Variants in NRG4 observed in about 807,000 individuals in gnomAD.
NRG4 encodes pro-neuregulin-4, membrane-bound isoform.
In NRG4, 10 loss-of-function variants were observed where a neutral mutation model predicts 15.0. The ratio of observed to expected loss-of-function variants is 0.67; its 90% CI spans 0.41 to 1.13. NRG4 has a LOEUF of 1.13. Among genes scored for constraint, NRG4 ranks in the 50% most tolerant of loss-of-function variants. The pLI, the probability that NRG4 is intolerant of heterozygous loss-of-function variation, is 0.00. For missense variants in NRG4, 139 were observed against 140.2 expected, an observed-to-expected ratio of 0.99 and a Z score of 0.04; for synonymous variants, 41 against 50.1, an observed-to-expected ratio of 0.82 and a Z score of 0.77.
intron 5 of NRG4, among the ~76,000 whole-genome samples, chr15:76,020,624 C>A (rs1169479986): frequency 6.6e-6 from 1 of 152,156 alleles, no homozygotes; most frequent in Non-Finnish European, 1.5e-5. Context: ...ACAAAAAAAT[C>A]TTATAATGTT....
rs1293532523 is a variant in NRG4, at chr15:76,050,723, C to T, written c.-105+1344G>A. 3.4e-5 allele frequency among the ~76,000 whole-genome samples: 5 copies of T among 147,264 alleles called. 1 individual carries two copies. The highest frequency in any genetic ancestry group is 2.0e-4 in the East Asian group (1 of 5,058). On this transcript the variant is annotated intron_variant, in intron 4 of 8. Coordinates refer to the NRG4 transcript ENST00000563910. Reference sequence around the variant, plus strand: ...CCTCCCAAAGTGCTGGGATTACAGGCGTAAGCCACCGTGCCCAGCCGAGCC... The same window carrying T: ...CCTCCCAAAGTGCTGGGATTACAGGTGTAAGCCACCGTGCCCAGCCGAGCC...
chr15:76,031,006 T>C (rs2035457909), intron 5 of NRG4, among the ~76,000 whole-genome samples: 1 of 152,184 alleles, frequency 6.6e-6, no homozygotes, highest in African/African-American at 2.4e-5. Context: ...TCAAATCTAG[T>C]GATATAGTAA....
intron 4 of NRG4, chr15:75,958,951 C>A: frequency 5.3e-6 from 1 of 187,988 alleles, no homozygotes; most frequent in South Asian, 7.6e-5. Context: ...GGGGCAACTA[C>A]AACAATATTA....
At chr15:75,989,221 T>C (rs1397377365) in intron 3 of NRG4, among the ~76,000 whole-genome samples, 2 of 152,216 alleles carry the variant, frequency 1.3e-5, no homozygotes, top group Non-Finnish European at 2.9e-5. Flanking sequence ...GTGGATGTTT[T>C]GGACTTATGC....
chr15:76,001,220 T>C (rs2034402394), intron 3 of NRG4, among the ~76,000 whole-genome samples: 1 of 152,120 alleles, frequency 6.6e-6, no homozygotes, highest in African/African-American at 2.4e-5. Context: ...CTCAAACTCC[T>C]GGCCTCAAGC....
rs1226319570 is a variant in NRG4, at chr15:76,051,848, G to T, written c.-105+219C>A. Among the ~76,000 whole-genome samples, 3 of 150,848 alleles carry T rather than the reference G, an allele frequency of 2.0e-5. 1 individual carries two copies. Among genetic ancestry groups the T allele is most frequent in the Non-Finnish European group, 4.4e-5 (3 of 67,904 alleles). The stretch of plus-strand genomic sequence containing the variant: ...AGCCTCCCAAAGTGCTAGGATTACA[G>T]GCGTGAGCCACCGTGCCCAGCCTAA... On this transcript the variant is annotated intron_variant, in intron 4 of 8. Transcript: ENST00000563910.
intron 3 of NRG4, among the ~76,000 whole-genome samples, chr15:76,002,014 G>C (rs1225192890): frequency 3.3e-5 from 5 of 152,026 alleles, no homozygotes; most frequent in Non-Finnish European, 7.4e-5. Context: ...TCAAAAGCTG[G>C]GTTGGGCCAG....
chr15:76,057,932 T>A (rs1399152355), intron 1 of NRG4, among the ~76,000 whole-genome samples: 1 of 151,840 alleles, frequency 6.6e-6, no homozygotes, highest in South Asian at 2.1e-4. Flanking sequence ...TTCAAAAAAA[T>A]TTTATTAGGA....
At chr15:75,952,611 A>G (rs891154273) in intron 5 of NRG4, among the ~76,000 whole-genome samples, 5 of 141,650 alleles carry the variant, frequency 3.5e-5, no homozygotes, top group African/African-American at 1.3e-4. Flanking sequence ...TTTTTAAGAG[A>G]TGGGGTCTTG....
intron 1 of NRG4, 110 bp downstream of exon 1, chr15:76,012,209 C>A (rs188736793): frequency 1.3e-5 from 2 of 152,004 alleles, no homozygotes; most frequent in African/African-American, 4.8e-5. Flanking sequence ...CACACACGAG[C>A]GAGAACAGGC....
At chr15:75,959,112 G>T in intron 4 of NRG4, 1 of 406,694 alleles carries the variant, frequency 2.5e-6, no homozygotes, top group Non-Finnish European at 4.9e-6. Flanking sequence ...CTCCCAAGCA[G>T]CTAGGACTAC....
intron 3 of NRG4, among the ~76,000 whole-genome samples, chr15:75,994,272 C>G (rs1197342705): frequency 6.6e-6 from 1 of 152,198 alleles, no homozygotes; most frequent in Non-Finnish European, 1.5e-5. Context: ...CATACAAATT[C>G]AAGGCCACCC....
intron 5 of NRG4, among the ~76,000 whole-genome samples, chr15:75,945,319 TCTCAG>T (rs1567067350): frequency 6.6e-6 from 1 of 151,536 alleles, no homozygotes; most frequent in Admixed American, 6.6e-5. Context: ...AGAGGCACAA[TCTCAG>T]CTCACTGCAA....
chr15:75,965,442 C>A (rs900125389), intron 3 of NRG4, among the ~76,000 whole-genome samples: 25 of 152,108 alleles, frequency 1.6e-4, no homozygotes, highest in African/African-American at 5.3e-4. Context: ...CAATCACATG[C>A]TCTTGTGGGA....
rs71444951 is a variant in NRG4 at position 76,050,437 on chromosome 15, GTTTTTTTTT to G, written c.-105+1621_-105+1629del. On this transcript the variant is annotated intron_variant, in intron 4 of 8. Transcript: ENST00000563910. ...AGCATTATTGTCACCCCGAGCCTTC[GTTTTTTTTT>G]TTTTTTTTTTTTTGAAACGGAGTCT... Among the ~76,000 whole-genome samples the G allele has an allele frequency of 2.1e-4, 19 of 91,878 alleles. 1 individual carries two copies. The highest frequency in any genetic ancestry group is 7.1e-4 in the African/African-American group (17 of 23,848). The allele number at this position is 91,878 out of a possible 152,430, so 60.3% of individuals were successfully genotyped here. A position where few individuals can be genotyped will look rare whatever the true frequency, so the allele number is the denominator to read the frequency against.
chr15:75,969,043 C>G (rs1328726081), intron 3 of NRG4: 3 of 310,940 alleles, frequency 9.6e-6, no homozygotes, highest in African/African-American at 2.2e-5. Flanking sequence ...AAACCAGGAA[C>G]AGCTGGAAAG....
At chr15:76,029,530 TAA>T (rs1402198813) in intron 5 of NRG4, among the ~76,000 whole-genome samples, 3 of 152,176 alleles carry the variant, frequency 2.0e-5, no homozygotes, top group Non-Finnish European at 2.9e-5. Flanking sequence ...TAGGAAAACC[TAA>T]AGACTCTACC....
intron 1 of NRG4, among the ~76,000 whole-genome samples, chr15:76,058,911 CT>C (rs576581603): frequency 9.3e-5 from 14 of 151,288 alleles, no homozygotes; most frequent in South Asian, 4.2e-4. Context: ...TGGGTGAGGA[CT>C]TTTTTTTTAA....
chr15:76,036,834 G>T (rs1000340618), intron 4 of NRG4, among the ~76,000 whole-genome samples: 1 of 152,148 alleles, frequency 6.6e-6, no homozygotes, highest in African/African-American at 2.4e-5. Context: ...AACAAGATAA[G>T]GATGTCCACT....
Sources: gnomAD v4.1 joint callset for allele counts (sites outside exome capture counted in the v4.1 genomes callset) on GRCh38, gnomAD v4.1.1 for gene constraint, MANE v1.5 for transcripts, NCBI Gene and HGNC (gene_info 2026-07-23, HGNC 2026-07-21) for gene names.